PACSIN2: variants seen among roughly 807,000 people sequenced by gnomAD.
The protein encoded by PACSIN2 is protein kinase C and casein kinase substrate in neurons 2.
PACSIN2 carries 25 observed loss-of-function variants against 63.8 expected under a neutral mutation model. The ratio of observed to expected loss-of-function variants is 0.39; its 90% confidence interval spans 0.29 to 0.55. PACSIN2 has a LOEUF of 0.55. Ranked by LOEUF, PACSIN2 falls within the 20% of genes least tolerant of loss-of-function variation. The pLI, the probability that PACSIN2 is intolerant of heterozygous loss-of-function variation, is 0.62. For synonymous variants in PACSIN2, 255 were observed against 256.2 expected (o/e 1.00, Z 0.05); for missense variants, 518 against 646.9 (o/e 0.80, Z 2.16).
At chr22:43,002,287 G>C (rs2146919634) in intron 1 of PACSIN2, 1 of 152,272 alleles carries the variant, frequency 6.6e-6, no homozygotes, top group East Asian at 1.9e-4. Flanking sequence ...AAGAAAGCTA[G>C]AGAAGGTCTG....
At chr22:42,969,809 G>A (rs1404248898) in intron 1 of PACSIN2, among the ~76,000 whole-genome samples, 1 of 151,640 alleles carries the variant, frequency 6.6e-6, no homozygotes, top group Non-Finnish European at 1.5e-5. Context: ...ATAGTGCACA[G>A]CTGTGGTCCC....
chr22:42,984,855 G>A (rs1460339999), intron 1 of PACSIN2, among the ~76,000 whole-genome samples: 2 of 152,148 alleles, frequency 1.3e-5, no homozygotes, highest in Non-Finnish European at 2.9e-5. Flanking sequence ...GACCCCAAAA[G>A]AGGCAACTAC....
chr22:42,997,713 AC>A (rs764678935), intron 1 of PACSIN2, among the ~76,000 whole-genome samples: 9 of 151,202 alleles, frequency 6.0e-5, no homozygotes, highest in Non-Finnish European at 1.3e-4. Context: ...ATACAGGTCA[AC>A]AAAAATTAGC....
chr22:42,944,217 C>T (rs1303210929), intron 1 of PACSIN2, among the ~76,000 whole-genome samples: 4 of 152,162 alleles, frequency 2.6e-5, no homozygotes, highest in Non-Finnish European at 4.4e-5. Context: ...TGGAACCGCA[C>T]CCCCAGCCAT....
intron 2 of PACSIN2, among the ~76,000 whole-genome samples, chr22:42,904,866 G>C (rs150894529): frequency 1.3e-5 from 2 of 152,130 alleles, no homozygotes; most frequent in South Asian, 2.1e-4. Context: ...GGGCACCCCA[G>C]CTCCGCCCCC....
chr22:42,891,117 C>T lies in PACSIN2; in HGVS notation c.283G>A (p.Glu95Lys), dbSNP rs1230073964. The T allele has an allele frequency of 5.0e-6, 8 of 1,614,004 alleles. No individual in the cohort carries two copies. The highest frequency in any genetic ancestry group is 1.6e-4 in the Middle Eastern group (1 of 6,082). ...GAGGCCTTCACCTCGAGGTGCAGCT[C>T]GCTCACCCTCTCTGCCTCGGACATG... ...AFMSEAERVSELHLEVKASLM... is the reference protein window; with the variant it reads ...AFMSEAERVSKLHLEVKASLM... The change falls in exon 4 of 11, where the codon GAG becomes AAG. Residue 95 changes from glutamate to lysine, a missense_variant. By Grantham distance (56) the Glu-to-Lys change is moderately conservative. This residue lies in a region of PACSIN2 where 507 missense variants were observed against 612.3 expected (regional missense o/e 0.83). Coordinates refer to ENST00000263246, the MANE Select transcript of PACSIN2 (RefSeq NM_001184970.3).
intron 1 of PACSIN2, among the ~76,000 whole-genome samples, chr22:42,954,773 T>C (rs185875890): frequency 9.7e-4 from 148 of 152,166 alleles, no homozygotes; most frequent in African/African-American, 3.3e-3. Flanking sequence ...AGACAGGACA[T>C]AGTGATGGAT....
At position 42,884,400 on chromosome 22, in the gene PACSIN2, C is replaced by T. The variant is rs772517717; in HGVS notation, c.771G>A (p.Leu257=). The T allele has an allele frequency of 1.2e-6, 2 of 1,612,756 alleles. No homozygotes were observed. The highest frequency in any genetic ancestry group is 1.1e-5 in the South Asian group (1 of 90,852). Residue 257 remains leucine, a synonymous_variant, in exon 6 of 11, where the codon CTG becomes CTA. Coordinates refer to ENST00000263246, the MANE Select transcript of PACSIN2 (RefSeq NM_001184970.3). Reference sequence around the variant, plus strand: ...AGGAAACTTACCCAGCCACATTGGACAGGTCTAGGTGCTTCTGAACCTCCA... The same window carrying T: ...AGGAAACTTACCCAGCCACATTGGATAGGTCTAGGTGCTTCTGAACCTCCA... ...VLLEVQKHLD[L]SNVAGYKAIY...
intron 2 of PACSIN2, among the ~76,000 whole-genome samples, chr22:42,901,436 T>C (rs1930678293): frequency 6.6e-6 from 1 of 152,212 alleles, no homozygotes; most frequent in African/African-American, 2.4e-5. Flanking sequence ...TCCATCGGAT[T>C]TCCCAGCCCT....
At chr22:43,004,560 T>G (rs2146922997) in intron 1 of PACSIN2, among the ~76,000 whole-genome samples, 1 of 152,362 alleles carries the variant, frequency 6.6e-6, no homozygotes, top group Admixed American at 6.5e-5. Context: ...CAGGGAGCAC[T>G]GCCTGCTCTG....
intron 1 of PACSIN2, among the ~76,000 whole-genome samples, chr22:42,990,789 A>G (rs1451504500): frequency 6.6e-6 from 1 of 151,948 alleles, no homozygotes; most frequent in Admixed American, 6.6e-5. Flanking sequence ...CCCGTTGCCA[A>G]TAAGAACATG....
intron 4 of PACSIN2, among the ~76,000 whole-genome samples, chr22:42,890,379 T>A (rs1472962171): frequency 6.6e-6 from 1 of 152,242 alleles, no homozygotes; most frequent in Non-Finnish European, 1.5e-5. Flanking sequence ...GGCTTTGAGC[T>A]CTACCACCAA....
In PACSIN2 at chr22:43,010,739, A is replaced by T. The variant is rs1385410733; in HGVS notation, c.-78+4282T>A. On this transcript the variant is annotated intron_variant, in intron 1 of 10. Transcript: ENST00000263246. ...ACAACAACAACAACAAAAAAAGACA[A>T]GAAAGGAAAAGAAAAAAGACCTTAT... is the stretch of plus-strand genomic sequence containing the variant. Among the ~76,000 whole-genome samples the T allele has an allele frequency of 2.6e-5, 4 of 152,334 alleles. No homozygotes were observed. The East Asian group carries it at 7.7e-4, about 29-fold the overall frequency.
intron 1 of PACSIN2, among the ~76,000 whole-genome samples, chr22:42,922,479 C>T (rs1932260017): frequency 1.3e-5 from 2 of 152,248 alleles, no homozygotes; most frequent in African/African-American, 4.8e-5. Flanking sequence ...ATACCCCGCT[C>T]TAATCCTCTA....
At chr22:42,874,464 C>G (rs1213650364) in intron 10 of PACSIN2, among the ~76,000 whole-genome samples, 1 of 152,186 alleles carries the variant, frequency 6.6e-6, no homozygotes, top group Admixed American at 6.5e-5. Context: ...CCTAGCAACA[C>G]AGATATGTGT....
At chr22:42,893,374 T>C (rs899457578) in intron 3 of PACSIN2, 83 bp downstream of exon 3, 46 of 1,392,450 alleles carry the variant, frequency 3.3e-5, no homozygotes, top group African/African-American at 1.4e-4. Context: ...AAAACTGGCA[T>C]AGAGAGGGTC....
chr22:42,935,073 G>A (rs1297378979), intron 1 of PACSIN2, among the ~76,000 whole-genome samples: 15 of 150,816 alleles, frequency 9.9e-5, no homozygotes, highest in East Asian at 1.9e-4. Context: ...CCGCCACCGC[G>A]CCCGGCTAAT....
chr22:42,895,889 C>A (rs575538357), intron 2 of PACSIN2, among the ~76,000 whole-genome samples: 1 of 152,164 alleles, frequency 6.6e-6, no homozygotes, highest in Admixed American at 6.5e-5. Context: ...GTGTGGTGGC[C>A]GGTGAAGGCC....
chr22:42,954,079 A>G (rs948385931), intron 1 of PACSIN2, among the ~76,000 whole-genome samples: 3 of 152,138 alleles, frequency 2.0e-5, no homozygotes, highest in South Asian at 2.1e-4. Context: ...TAGCCAACAT[A>G]GTGAAACCCT....
Sources: allele counts gnomAD v4.1 joint callset (sites outside exome capture counted in the v4.1 genomes callset), GRCh38; gene constraint gnomAD v4.1.1; regional missense constraint gnomAD v4.1.1; transcripts MANE v1.5; gene names NCBI Gene and HGNC (gene_info 2026-07-23, HGNC 2026-07-21).